RANBP2: variants seen among roughly 807,000 people sequenced by gnomAD.
The protein encoded by RANBP2 is E3 SUMO-protein ligase RanBP2.
In RANBP2, 57 loss-of-function variants were observed where a neutral mutation model predicts 303.6. That is an observed-to-expected ratio of 0.19 (90% CI 0.15 to 0.23). The LOEUF is 0.23. Ranked by LOEUF, RANBP2 falls within the 10% of genes least tolerant of loss-of-function variation. The probability of loss-of-function intolerance (pLI) is 1.00; values close to 1 mark genes in which losing one functional copy is unlikely to be tolerated. For synonymous variants in RANBP2, 1,167 were observed against 1,301.5 expected, an observed-to-expected ratio of 0.90 and a Z score of 2.23; for missense variants, 3,138 against 3,780.8, an observed-to-expected ratio of 0.83 and a Z score of 4.46.
chr2:109,097,994 T>C, the RANBP2 span, among the ~76,000 whole-genome samples: 2 of 152,156 alleles, frequency 1.3e-5, no homozygotes, highest in African/African-American at 4.8e-5. Context: ...TGTGTTGCCC[T>C]TCCCCTGGAA....
the RANBP2 span, among the ~76,000 whole-genome samples, chr2:109,442,445 A>G: frequency 6.6e-6 from 1 of 152,220 alleles, no homozygotes; most frequent in African/African-American, 2.4e-5. Context: ...TGGTAACTAC[A>G]TAGATAAATA....
chr2:108,845,867 AGCCTCATT>A, the RANBP2 span, among the ~76,000 whole-genome samples: 1 of 152,188 alleles, frequency 6.6e-6, no homozygotes, highest in African/African-American at 2.4e-5. Context: ...CACCGCGCCC[AGCCTCATT>A]TTATTCTTAA....
the RANBP2 span, among the ~76,000 whole-genome samples, chr2:108,960,054 C>T: frequency 6.6e-6 from 1 of 152,104 alleles, no homozygotes; most frequent in South Asian, 2.1e-4. Context: ...AAGCAGTGCC[C>T]TCCAAAGAGG....
At chr2:109,542,346 A>T in the RANBP2 span, among the ~76,000 whole-genome samples, 1 of 152,248 alleles carries the variant, frequency 6.6e-6, no homozygotes, top group Admixed American at 6.5e-5. Flanking sequence ...AGTCATCAGC[A>T]GTACAAAACG....
At chr2:109,081,441 G>GT in the RANBP2 span, among the ~76,000 whole-genome samples, 72 of 152,316 alleles carry the variant, frequency 4.7e-4, no homozygotes, top group Middle Eastern at 3.4e-3. Flanking sequence ...CTTCTGGCCT[G>GT]TTTTTTCACA....
chr2:109,495,477 C>CTTTTTTTTTTTTTTT, the RANBP2 span, among the ~76,000 whole-genome samples: 5 of 94,284 alleles, frequency 5.3e-5, no homozygotes, highest in Admixed American at 2.3e-4. Flanking sequence ...TCTTTCATTC[C>CTTTTTTTTTTTTTTT]TTTTTTTTTT....
the RANBP2 span, among the ~76,000 whole-genome samples, chr2:109,052,013 G>A: frequency 6.6e-5 from 10 of 152,304 alleles, no homozygotes; most frequent in African/African-American, 2.4e-4. Context: ...CTCCCAAAGT[G>A]CTGGGATTAC....
At chr2:109,253,563 A>G in the RANBP2 span, among the ~76,000 whole-genome samples, 98 of 152,308 alleles carry the variant, frequency 6.4e-4, no homozygotes, top group African/African-American at 2.3e-3. Flanking sequence ...TGCTGGATCT[A>G]AGATGTTGAG....
chr2:108,896,822 G>A, the RANBP2 span: 1 of 1,342,536 alleles, frequency 7.4e-7, no homozygotes, highest in Non-Finnish European at 1.0e-6. Context: ...CTTGATTCTT[G>A]GCAGTCTTTT....
At chr2:109,142,003 G>A in the RANBP2 span, among the ~76,000 whole-genome samples, 2 of 151,398 alleles carry the variant, frequency 1.3e-5, no homozygotes, top group Non-Finnish European at 2.9e-5. Flanking sequence ...ATCATTTCCA[G>A]CCCCCTGCCC....
chr2:109,211,561 A>G, the RANBP2 span, among the ~76,000 whole-genome samples: 1 of 152,190 alleles, frequency 6.6e-6, no homozygotes, highest in African/African-American at 2.4e-5. Context: ...GTCACAGAGC[A>G]GGCAGCTACG....
At chr2:108,863,536 G>A in the RANBP2 span, among the ~76,000 whole-genome samples, 1 of 152,086 alleles carries the variant, frequency 6.6e-6, no homozygotes, top group African/African-American at 2.4e-5. Flanking sequence ...AGCTTTGTTG[G>A]GCATCATCAA....
chr2:109,508,998 A>G, the RANBP2 span, among the ~76,000 whole-genome samples: 1 of 152,340 alleles, frequency 6.6e-6, no homozygotes, highest in East Asian at 1.9e-4. Flanking sequence ...ACACAACACC[A>G]GCACATGAGT....
the RANBP2 span, among the ~76,000 whole-genome samples, chr2:109,220,766 A>G: frequency 1.3e-5 from 2 of 152,242 alleles, no homozygotes; most frequent in Non-Finnish European, 2.9e-5. Flanking sequence ...GTAGAAGATA[A>G]TAAGGGTTAG....
At chr2:109,374,617 T>C in the RANBP2 span, among the ~76,000 whole-genome samples, 5 of 152,164 alleles carry the variant, frequency 3.3e-5, no homozygotes, top group Non-Finnish European at 5.9e-5. Context: ...GCCGGCACAG[T>C]CCCGGTGATG....
At chr2:108,763,189 G>GTA (rs1426320553) in intron 19 of RANBP2, 48 bp from the exon 20 acceptor site, 1 of 1,588,854 alleles carries the variant, frequency 6.3e-7, no homozygotes, top group Non-Finnish European at 8.6e-7. Context: ...TTAGTTATCT[G>GTA]TAGTTTTGTA....
chr2:109,445,460 G>A, the RANBP2 span, among the ~76,000 whole-genome samples: 3 of 152,094 alleles, frequency 2.0e-5, no homozygotes, highest in Admixed American at 2.0e-4. Flanking sequence ...TACTTACATA[G>A]AAATGAATAA....
chr2:108,787,609 T>A (rs1451265112), downstream of RANBP2, among the ~76,000 whole-genome samples: 2 of 152,226 alleles, frequency 1.3e-5, no homozygotes, highest in South Asian at 4.1e-4. Flanking sequence ...AATTTTTTCC[T>A]AGTGCAGATC....
the RANBP2 span, among the ~76,000 whole-genome samples, chr2:108,948,599 C>T: frequency 4.8e-4 from 73 of 152,282 alleles, no homozygotes; most frequent in East Asian, 0.013. Context: ...AAGCAAGGCA[C>T]GTCTCACATG....
Sources: gnomAD v4.1 joint callset for allele counts (sites outside exome capture counted in the v4.1 genomes callset) on GRCh38, gnomAD v4.1.1 for gene constraint, MANE v1.5 for transcripts, NCBI Gene and HGNC (gene_info 2026-07-23, HGNC 2026-07-21) for gene names.